Variants in GPC6 observed in about 807,000 individuals in gnomAD.
The protein encoded by GPC6 is glypican 6.
A neutral mutation model predicts 55.2 loss-of-function variants in GPC6; 14 were observed. The ratio of observed to expected loss-of-function variants is 0.25; its 90% CI spans 0.17 to 0.40. The LOEUF (loss-of-function observed/expected upper bound fraction) is 0.40. GPC6 is among the 10% of genes least tolerant of loss of function. The pLI, the probability that GPC6 is intolerant of heterozygous loss-of-function variation, is 1.00. For synonymous variants in GPC6, 278 were observed against 259.6 expected, an observed-to-expected ratio of 1.07 and a Z score of -0.68; for missense variants, 641 against 708.5, an observed-to-expected ratio of 0.90 and a Z score of 1.08.
chr13:93,538,802 A>G (rs1056591503), intron 1 of GPC6, among the ~76,000 whole-genome samples: 1 of 152,202 alleles, frequency 6.6e-6, no homozygotes, highest in Non-Finnish European at 1.5e-5. Context: ...CCTTCAGGAA[A>G]GATTTTCTCT....
intron 4 of GPC6, among the ~76,000 whole-genome samples, chr13:94,227,861 A>C (rs1371575418): frequency 1.3e-5 from 2 of 152,158 alleles, no homozygotes; most frequent in Admixed American, 1.3e-4. Context: ...ACAATGAAAG[A>C]GCCCTGGAGA....
intron 3 of GPC6, among the ~76,000 whole-genome samples, chr13:93,923,909 G>GCTT (rs1197651214): frequency 2.6e-5 from 4 of 152,156 alleles, no homozygotes. Context: ...TTATTATTCA[G>GCTT]CTTCTTATTT....
chr13:93,896,325 G>GT (rs1566591569), intron 3 of GPC6, among the ~76,000 whole-genome samples: 1 of 152,044 alleles, frequency 6.6e-6, no homozygotes, highest in Admixed American at 6.6e-5. Flanking sequence ...CCGTACAGAC[G>GT]TTTTTTCACC....
chr13:93,852,876 G>A (rs550250516), intron 3 of GPC6, among the ~76,000 whole-genome samples: 176 of 151,656 alleles, frequency 1.2e-3, no homozygotes, highest in African/African-American at 4.1e-3. Flanking sequence ...GAAGGGATCT[G>A]TCTTTTGTGC....
intron 3 of GPC6, among the ~76,000 whole-genome samples, chr13:93,838,785 C>T (rs1003509517): frequency 2.0e-5 from 3 of 151,982 alleles, no homozygotes; most frequent in Non-Finnish European, 4.4e-5. Context: ...AGAGACCCTC[C>T]AGCTCAACAG....
chr13:93,238,321 T>C (rs1205423746), intron 1 of GPC6, among the ~76,000 whole-genome samples: 4 of 152,062 alleles, frequency 2.6e-5, no homozygotes, highest in Admixed American at 6.6e-5. Context: ...AAAATAAAAA[T>C]TTTATTGTTT....
chr13:94,119,525 G>A (rs1886552517), intron 4 of GPC6, among the ~76,000 whole-genome samples: 1 of 152,092 alleles, frequency 6.6e-6, no homozygotes, highest in Non-Finnish European at 1.5e-5. Context: ...CTGGAGACAG[G>A]ACTGTATTTG....
At position 93,276,495 on chromosome 13, in the gene GPC6, A is replaced by AGAGAGAGT. The variant is rs1365006783; in HGVS notation, c.160+48880_160+48881insAGAGAGTG. On this transcript the variant is annotated intron_variant, in intron 1 of 8. Coordinates refer to ENST00000377047, the MANE Select transcript of GPC6 (RefSeq NM_005708.5). Reference sequence around the variant, plus strand: ...GAGAGAGAGAGAGAGAGAGAGAGAGAGTGTGTGTGTGTGTGTGTGTGTGTG... The same window carrying AGAGAGAGT: ...GAGAGAGAGAGAGAGAGAGAGAGAGAGAGAGAGTGTGTGTGTGTGTGTGTGTGTGTGTG... Among the ~76,000 whole-genome samples the AGAGAGAGT allele has an allele frequency of 1.7e-3, 159 of 94,432 alleles. 1 individual carries two copies. Among genetic ancestry groups the AGAGAGAGT allele is most frequent in the African/African-American group, 3.0e-3 (68 of 22,388 alleles). 62.0% of individuals were successfully genotyped at this position (94,432 alleles called of 152,430 possible).
At chr13:94,073,025 G>A (rs1008482970) in intron 4 of GPC6, among the ~76,000 whole-genome samples, 5 of 151,588 alleles carry the variant, frequency 3.3e-5, no homozygotes, top group Admixed American at 1.3e-4. Context: ...GCAGATAGAG[G>A]AAAAAAAGAT....
At chr13:93,858,694 T>C (rs922557701) in intron 3 of GPC6, among the ~76,000 whole-genome samples, 1 of 151,024 alleles carries the variant, frequency 6.6e-6, no homozygotes, top group Admixed American at 6.6e-5. Context: ...TGCAAAAGAG[T>C]ATGAGAATGA....
At chr13:93,698,968 C>G (rs1289566036) in intron 2 of GPC6, among the ~76,000 whole-genome samples, 1 of 152,028 alleles carries the variant, frequency 6.6e-6, no homozygotes, top group African/African-American at 2.4e-5. Flanking sequence ...GAGAATAATT[C>G]TGTGCTTCAA....
intron 3 of GPC6, among the ~76,000 whole-genome samples, chr13:93,946,964 A>G (rs1235235710): frequency 6.6e-6 from 1 of 152,158 alleles, no homozygotes; most frequent in Non-Finnish European, 1.5e-5. Context: ...CACTCTCTAG[A>G]AATTTCTGAC....
chr13:94,116,869 A>C (rs1886449084), intron 4 of GPC6, among the ~76,000 whole-genome samples: 1 of 152,050 alleles, frequency 6.6e-6, no homozygotes, highest in South Asian at 2.1e-4. Context: ...TTAGGTGAGC[A>C]TGTTAACATC....
intron 4 of GPC6, among the ~76,000 whole-genome samples, chr13:94,272,458 C>CTTTT (rs1272404309): frequency 2.6e-5 from 3 of 115,414 alleles, no homozygotes; most frequent in African/African-American, 1.2e-4. Flanking sequence ...CTTTTCTTTT[C>CTTTT]TTTTCTTTTT....
intron 4 of GPC6, among the ~76,000 whole-genome samples, chr13:94,225,663 G>GTA (rs1286324091): frequency 9.6e-6 from 1 of 104,050 alleles, no homozygotes; most frequent in Non-Finnish European, 2.1e-5. Context: ...TGTGTGTAAA[G>GTA]TATACACATA....
At chr13:94,030,479 T>C (rs999047862) in intron 4 of GPC6, among the ~76,000 whole-genome samples, 2 of 152,216 alleles carry the variant, frequency 1.3e-5, no homozygotes, top group Non-Finnish European at 2.9e-5. Flanking sequence ...CACAAATTTA[T>C]GGCATGAATT....
At position 93,521,965 on chromosome 13, in the gene GPC6, A is replaced by C. The variant is rs148465763; in HGVS notation, c.161-23298A>C. 3.0e-3 allele frequency among the ~76,000 whole-genome samples: 458 copies of C among 152,088 alleles called. 1 individual carries two copies. Among genetic ancestry groups the C allele is most frequent in the African/African-American group, 0.011 (441 of 41,500 alleles). On this transcript the variant is annotated intron_variant, in intron 1 of 8. Transcript: ENST00000377047. ...GATACACATAGAAAGACTAGGTTTT[A>C]TTTAAGTCACCTTTATCCTTAGCTT...
At chr13:94,087,216 GC>G (rs1566387126) in intron 4 of GPC6, among the ~76,000 whole-genome samples, 1 of 152,178 alleles carries the variant, frequency 6.6e-6, no homozygotes. Flanking sequence ...AAGAAATTCT[GC>G]CTTTCATATT....
intron 1 of GPC6, among the ~76,000 whole-genome samples, chr13:93,274,849 A>T (rs1457230710): frequency 6.6e-6 from 1 of 152,230 alleles, no homozygotes; most frequent in Non-Finnish European, 1.5e-5. Context: ...TCTAATTTTG[A>T]TATAATTTCC....
Sources: gnomAD v4.1 joint callset for allele counts (sites outside exome capture counted in the v4.1 genomes callset) on GRCh38, gnomAD v4.1.1 for gene constraint, MANE v1.5 for transcripts, NCBI Gene and HGNC (gene_info 2026-07-23, HGNC 2026-07-21) for gene names.